PRMT8: variants seen among roughly 807,000 people sequenced by gnomAD.
PRMT8 encodes the protein protein arginine methyltransferase 8, also known as protein arginine N-methyltransferase 8.
Under a neutral mutation model 47.1 loss-of-function variants are expected in PRMT8, and 7 were observed. The ratio of observed to expected loss-of-function variants is 0.15; its 90% confidence interval spans 0.08 to 0.28. The LOEUF (loss-of-function observed/expected upper bound fraction) is 0.28. Ranked by LOEUF, PRMT8 falls within the 10% of genes least tolerant of loss-of-function variation. The probability of loss-of-function intolerance (pLI) is 1.00; values close to 1 mark genes in which losing one functional copy is unlikely to be tolerated. For synonymous variants in PRMT8, 188 were observed against 186.5 expected (o/e 1.01, Z -0.07); for missense variants, 237 against 505.4 (o/e 0.47, Z 5.09).
rs1029646914 is a variant in PRMT8, at chr12:3,564,529, G to A, written c.482-4177G>A. Reference sequence around the variant, plus strand: ...CTCACTTACAAACTTGAAGCTACAGGAGAAGTTTTCCCAATTTAGAGTCTA... The same window carrying A: ...CTCACTTACAAACTTGAAGCTACAGAAGAAGTTTTCCCAATTTAGAGTCTA... On this transcript the variant is annotated intron_variant, in intron 4 of 9. Transcript: ENST00000382622. This position sits in a 1 kb window ranked among gnomAD's most constrained non-coding sequence, Gnocchi z 4.0. 2.0e-5 allele frequency among the ~76,000 whole-genome samples: 3 copies of A among 151,932 alleles called. No homozygotes were observed. Among genetic ancestry groups the A allele is most frequent in the Non-Finnish European group, 4.4e-5 (3 of 68,034 alleles).
At chr12:3,443,748 CCT>C (rs1227175254) in intron 1 of PRMT8, among the ~76,000 whole-genome samples, 1 of 152,204 alleles carries the variant, frequency 6.6e-6, no homozygotes, top group Non-Finnish European at 1.5e-5. Context: ...AATTGAGACC[CCT>C]CTCCCTAGAG....
intron 1 of PRMT8, among the ~76,000 whole-genome samples, chr12:3,530,023 A>G (rs1160661197): frequency 6.6e-6 from 1 of 152,198 alleles, no homozygotes; most frequent in Admixed American, 6.5e-5. Context: ...AATGCATTCT[A>G]TGTTTGCAAG....
At chr12:3,460,340 C>G (rs1241930723) in intron 1 of PRMT8, among the ~76,000 whole-genome samples, 1 of 152,198 alleles carries the variant, frequency 6.6e-6, no homozygotes, top group Non-Finnish European at 1.5e-5. Context: ...GAATACACGT[C>G]CCTGTCATTC....
intron 1 of PRMT8, among the ~76,000 whole-genome samples, chr12:3,432,923 G>A (rs1258741857): frequency 6.6e-6 from 1 of 152,178 alleles, no homozygotes; most frequent in East Asian, 1.9e-4. Context: ...ATTCCCAGAA[G>A]AAATGGCCAT....
intron 1 of PRMT8, among the ~76,000 whole-genome samples, chr12:3,448,653 C>T (rs1270327177): frequency 6.6e-6 from 1 of 152,122 alleles, no homozygotes; most frequent in East Asian, 1.9e-4. Context: ...CTGATATCCC[C>T]TGGACAGATG....
Position 3,549,997 on chromosome 12 carries a change from A to G in PRMT8, c.323A>G (p.His108Arg). The G allele has an allele frequency of 6.2e-7, 1 of 1,614,198 alleles. No homozygotes were observed. The highest frequency in any genetic ancestry group is 8.5e-7 in the Non-Finnish European group (1 of 1,180,034). The change falls in exon 3 of 10, where the codon CAC becomes CGC. Residue 108 changes from histidine (H) to arginine (R), a missense_variant. Transcript: ENST00000382622. ...CGGAACTCCATGTACCACAACAAGCACGTGTTCAAGGACAAAGTGGTACTG... is the reference window on the plus strand; with the variant it reads ...CGGAACTCCATGTACCACAACAAGCGCGTGTTCAAGGACAAAGTGGTACTG... ...TYRNSMYHNKHVFKDKVVLDV... is the reference protein window; with the variant it reads ...TYRNSMYHNKRVFKDKVVLDV...
At chr12:3,445,255 A>C (rs540916204) in intron 1 of PRMT8, among the ~76,000 whole-genome samples, 1 of 152,288 alleles carries the variant, frequency 6.6e-6, no homozygotes, top group East Asian at 1.9e-4. Context: ...GTGCCCAGGG[A>C]AAGGTGGCCG....
At chr12:3,416,360 GTC>G (rs1279326482) in intron 1 of PRMT8, among the ~76,000 whole-genome samples, 2 of 152,188 alleles carry the variant, frequency 1.3e-5, no homozygotes, top group African/African-American at 4.8e-5. Flanking sequence ...GAGCCCAAGT[GTC>G]TCATGTGGAG....
At chr12:3,416,100 T>C (rs1864480743) in intron 1 of PRMT8, among the ~76,000 whole-genome samples, 3 of 152,154 alleles carry the variant, frequency 2.0e-5, no homozygotes, top group South Asian at 2.1e-4. Context: ...CTTTCTAGCA[T>C]AGCACTCAAA....
intron 2 of PRMT8, among the ~76,000 whole-genome samples, chr12:3,543,470 C>T (rs3782760): frequency 0.25 from 38,600 of 151,952 alleles, 5,202 homozygotes; most frequent in East Asian, 0.45. Flanking sequence ...TCTGGAGCCA[C>T]GCTGGCCATT....
intron 1 of PRMT8, among the ~76,000 whole-genome samples, chr12:3,386,966 C>T (rs904671584): frequency 2.0e-5 from 3 of 152,084 alleles, no homozygotes; most frequent in East Asian, 3.9e-4. Context: ...CCTTGGCCTC[C>T]CAAAGTGCTG....
chr12:3,408,855 G>A (rs1005631017), intron 1 of PRMT8, among the ~76,000 whole-genome samples: 3 of 152,214 alleles, frequency 2.0e-5, no homozygotes, highest in Non-Finnish European at 4.4e-5. Flanking sequence ...AGGGATGATT[G>A]TGAGTGCCTC....
intron 3 of PRMT8, 178 bp from the exon 4 acceptor site, chr12:3,553,473 C>A (rs1218091218): frequency 3.2e-6 from 2 of 624,018 alleles, no homozygotes; most frequent in African/African-American, 3.7e-5. Flanking sequence ...CGTGGAAGGC[C>A]GCTGGCCTTG....
intron 1 of PRMT8, among the ~76,000 whole-genome samples, chr12:3,531,275 G>A (rs569597457): frequency 4.6e-5 from 7 of 152,206 alleles, no homozygotes; most frequent in Non-Finnish European, 7.3e-5. Context: ...CAAAGGAGGG[G>A]AGGAGGCTCC....
intron 1 of PRMT8, among the ~76,000 whole-genome samples, chr12:3,437,622 C>CTATATA (rs57504454): frequency 0.012 from 1,658 of 142,752 alleles, 11 homozygotes; most frequent in Middle Eastern, 0.032. Context: ...TGCATTCAGG[C>CTATATA]TATATATATA....
At chr12:3,473,116 C>G (rs1865176475) in intron 1 of PRMT8, among the ~76,000 whole-genome samples, 1 of 152,196 alleles carries the variant, frequency 6.6e-6, no homozygotes, top group African/African-American at 2.4e-5. Context: ...CTCATCATCA[C>G]TTCTATATAC....
chr12:3,429,233 C>T (rs1946938357), intron 1 of PRMT8, among the ~76,000 whole-genome samples: 1 of 152,168 alleles, frequency 6.6e-6, no homozygotes, highest in African/African-American at 2.4e-5. Flanking sequence ...TACCTTGTGC[C>T]ATACCTTTGA....
chr12:3,440,879 G>T (rs1212769161), intron 1 of PRMT8, among the ~76,000 whole-genome samples: 4 of 152,134 alleles, frequency 2.6e-5, no homozygotes, highest in African/African-American at 9.7e-5. Flanking sequence ...AAACAATGAC[G>T]ATCTAATTGG....
rs11062653 is a variant in PRMT8, at chr12:3,454,730, C to T, written c.48+73288C>T. 8.1e-3 allele frequency among the ~76,000 whole-genome samples: 1,238 copies of T among 152,284 alleles called. 34 individuals are homozygous for T. The East Asian group carries it at 0.09, about 11-fold the overall frequency. The stretch of plus-strand genomic sequence containing the variant: ...CAGCTTGCAGCGCACTTCGTGTTCA[C>T]CGCGGGTCGGCCTGCGCTCCCACCT... On this transcript the variant is annotated intron_variant, in intron 1 of 9. Transcript: ENST00000452611.
Sources: gnomAD v4.1 joint callset for allele counts (sites outside exome capture counted in the v4.1 genomes callset) on GRCh38, gnomAD v4.1.1 for gene constraint, Gnocchi (gnomAD v3.1) non-coding constraint, MANE v1.5 for transcripts, NCBI Gene and HGNC (gene_info 2026-07-23, HGNC 2026-07-21) for gene names.